DLG2: variants seen among roughly 807,000 people sequenced by gnomAD.
DLG2 encodes the protein discs large MAGUK scaffold protein 2, also known as disks large homolog 2.
Under a neutral mutation model 132.5 loss-of-function variants are expected in DLG2, and 45 were observed. That is an observed-to-expected ratio of 0.34 (90% CI 0.27 to 0.44). DLG2 has a LOEUF of 0.44. Among genes scored for constraint, DLG2 ranks in the 20% least tolerant of loss-of-function variants. The pLI, the probability that DLG2 is intolerant of heterozygous loss-of-function variation, is 1.00. For missense variants in DLG2, 1,045 were observed against 1,196.9 expected, an observed-to-expected ratio of 0.87 and a Z score of 1.87; for synonymous variants, 424 against 419.6, an observed-to-expected ratio of 1.01 and a Z score of -0.13.
At chr11:84,646,550 A>C (rs2099675185) in intron 6 of DLG2, among the ~76,000 whole-genome samples, 1 of 152,116 alleles carries the variant, frequency 6.6e-6, no homozygotes, top group Admixed American at 6.5e-5. Flanking sequence ...GCGCAGTATG[A>C]ATTACTTGGA....
chr11:84,799,156 T>C (rs1565993560), intron 6 of DLG2, among the ~76,000 whole-genome samples: 1 of 152,180 alleles, frequency 6.6e-6, no homozygotes, highest in Non-Finnish European at 1.5e-5. Flanking sequence ...AGTCCTTGTG[T>C]CCCAGACTGC....
At chr11:84,254,394 T>C (rs1411900585) in intron 7 of DLG2, among the ~76,000 whole-genome samples, 1 of 152,194 alleles carries the variant, frequency 6.6e-6, no homozygotes, top group African/African-American at 2.4e-5. Context: ...TGTCTAAAAA[T>C]TGGCAAGTAT....
intron 7 of DLG2, chr11:84,317,039 C>T (rs762727671): frequency 1.2e-6 from 2 of 1,612,816 alleles, no homozygotes; most frequent in African/African-American, 1.3e-5. Context: ...CCTCTGCCAG[C>T]CACAAGCACA....
chr11:85,175,857 T>G (rs1377089840), intron 4 of DLG2, among the ~76,000 whole-genome samples: 11 of 152,200 alleles, frequency 7.2e-5, no homozygotes, highest in African/African-American at 2.6e-4. Flanking sequence ...TGAATTCCCA[T>G]TCACAATTGT....
At chr11:84,195,945 G>C (rs1347600695) in intron 8 of DLG2, among the ~76,000 whole-genome samples, 1 of 152,110 alleles carries the variant, frequency 6.6e-6, no homozygotes, top group African/African-American at 2.4e-5. Context: ...TAGAACTCCT[G>C]ACACAACTGG....
chr11:83,663,295 T>A (rs536097629), intron 18 of DLG2, among the ~76,000 whole-genome samples: 2 of 152,140 alleles, frequency 1.3e-5, no homozygotes, highest in Non-Finnish European at 2.9e-5. Context: ...TAATTCCCAA[T>A]GTGCTTTTGC....
intron 3 of DLG2, among the ~76,000 whole-genome samples, chr11:85,530,067 C>G (rs1273130818): frequency 6.9e-6 from 1 of 145,192 alleles, no homozygotes; most frequent in African/African-American, 2.6e-5. Flanking sequence ...CACAATCTCA[C>G]CTCACCACAA....
chr11:84,585,304 G>A (rs2099527003), intron 6 of DLG2, among the ~76,000 whole-genome samples: 1 of 152,108 alleles, frequency 6.6e-6, no homozygotes, highest in Non-Finnish European at 1.5e-5. Flanking sequence ...GCATGAATAG[G>A]TTAGTAAATT....
chr11:84,282,846 T>G (rs2097865971), intron 7 of DLG2, among the ~76,000 whole-genome samples: 1 of 152,154 alleles, frequency 6.6e-6, no homozygotes, highest in Non-Finnish European at 1.5e-5. Context: ...GACTCAATTT[T>G]AAAATGAAAG....
At chr11:84,326,813 G>A (rs1182980586) in intron 7 of DLG2, among the ~76,000 whole-genome samples, 1 of 152,052 alleles carries the variant, frequency 6.6e-6, no homozygotes, top group South Asian at 2.1e-4. Flanking sequence ...TGAAAGAAGA[G>A]TATTACAATC....
chr11:83,671,640 C>A (rs1181792842), intron 18 of DLG2, among the ~76,000 whole-genome samples: 4 of 152,150 alleles, frequency 2.6e-5, no homozygotes, highest in Non-Finnish European at 4.4e-5. Context: ...GACAATTAAT[C>A]AATAAATAAA....
intron 18 of DLG2, among the ~76,000 whole-genome samples, chr11:83,713,211 T>C (rs146988976): frequency 0.012 from 1,791 of 152,304 alleles, 25 homozygotes; most frequent in Middle Eastern, 0.061. Context: ...GATCTCATCA[T>C]TGGGGAAGAA....
intron 6 of DLG2, among the ~76,000 whole-genome samples, chr11:85,107,133 T>C (rs1230531740): frequency 1.3e-5 from 2 of 152,002 alleles, no homozygotes; most frequent in East Asian, 3.9e-4. Flanking sequence ...TATCTGCTTA[T>C]AGTATTATAT....
chr11:84,342,430 G>A (rs1420366689), intron 7 of DLG2, among the ~76,000 whole-genome samples: 1 of 152,216 alleles, frequency 6.6e-6, no homozygotes, highest in African/African-American at 2.4e-5. Context: ...TCTTTTGACA[G>A]AATATGGGTG....
chr11:84,992,571 T>C (rs945687092), intron 6 of DLG2, among the ~76,000 whole-genome samples: 7 of 152,188 alleles, frequency 4.6e-5, no homozygotes, highest in African/African-American at 1.7e-4. Context: ...TTCCTGACTT[T>C]TTAATAATAG....
At chr11:84,228,630 C>T (rs746600920) in intron 8 of DLG2, among the ~76,000 whole-genome samples, 1 of 152,154 alleles carries the variant, frequency 6.6e-6, no homozygotes, top group Non-Finnish European at 1.5e-5. Flanking sequence ...CATTAAAATG[C>T]TGGAAACATT....
chr11:83,616,281 A>G (rs2060796870), intron 19 of DLG2, among the ~76,000 whole-genome samples: 1 of 152,150 alleles, frequency 6.6e-6, no homozygotes, highest in Non-Finnish European at 1.5e-5. Flanking sequence ...CATAGGGTAT[A>G]TGTTTGGCTC....
At chr11:84,612,989 C>A (rs932413519) in intron 6 of DLG2, among the ~76,000 whole-genome samples, 1 of 152,040 alleles carries the variant, frequency 6.6e-6, no homozygotes, top group Non-Finnish European at 1.5e-5. Flanking sequence ...AAATGGGGTA[C>A]ACAGTTGGAA....
At chr11:85,254,201 A>T (rs911918355) in intron 4 of DLG2, among the ~76,000 whole-genome samples, 1 of 152,218 alleles carries the variant, frequency 6.6e-6, no homozygotes, top group Admixed American at 6.5e-5. Flanking sequence ...GTTAAATTTA[A>T]AAAAAGGAAA....
Sources: allele counts gnomAD v4.1 joint callset (sites outside exome capture counted in the v4.1 genomes callset), GRCh38; gene constraint gnomAD v4.1.1; transcripts MANE v1.5; gene names NCBI Gene and HGNC (gene_info 2026-07-23, HGNC 2026-07-21).